Variants in PITPNM2 observed in about 807,000 individuals in gnomAD.
PITPNM2 encodes the protein phosphatidylinositol transfer protein membrane associated 2.
A neutral mutation model predicts 132.2 loss-of-function variants in PITPNM2; 35 were observed. The ratio of observed to expected loss-of-function variants is 0.26; its 90% CI spans 0.20 to 0.35. The LOEUF (loss-of-function observed/expected upper bound fraction) is 0.35, where lower values mean the gene tolerates loss of function less well. Among genes scored for constraint, PITPNM2 ranks in the 10% least tolerant of loss-of-function variants. PITPNM2 has a pLI of 1.00. For synonymous variants in PITPNM2, 738 were observed against 799.2 expected (o/e 0.92, Z 1.29); for missense variants, 1,332 against 1,912.0 (o/e 0.70, Z 5.66).
At chr12:123,016,469 C>T (rs1378980761) in intron 3 of PITPNM2, among the ~76,000 whole-genome samples, 1 of 151,738 alleles carries the variant, frequency 6.6e-6, no homozygotes, top group Non-Finnish European at 1.5e-5. Flanking sequence ...GTGCCCACCA[C>T]CACATCCAGC....
chr12:123,080,571 G>A (rs2041929741), intron 2 of PITPNM2, among the ~76,000 whole-genome samples: 1 of 152,230 alleles, frequency 6.6e-6, no homozygotes, highest in African/African-American at 2.4e-5. Context: ...TGGCCCTGGG[G>A]CCCAAGGCAG....
intron 1 of PITPNM2, among the ~76,000 whole-genome samples, chr12:123,113,761 C>T (rs986387692): frequency 6.6e-6 from 1 of 151,866 alleles, no homozygotes; most frequent in Non-Finnish European, 1.5e-5. Flanking sequence ...AGTCTACTTA[C>T]AATGTTGTAC....
In PITPNM2 at chr12:123,083,839, C is replaced by T. The variant is rs1158662172; in HGVS notation, c.-96+26546G>A. On this transcript the variant is annotated intron_variant, in intron 2 of 25. Coordinates refer to ENST00000320201, the MANE Select transcript of PITPNM2 (RefSeq NM_020845.3). The surrounding 1 kb of genome is among the most constrained non-coding windows in gnomAD (Gnocchi z 4.5). The stretch of plus-strand genomic sequence containing the variant: ...GGAGCTGGGGTACAACCTTGACAAT[C>T]ACTAACCTCTCACTTCCTCGTCCTG... 6.6e-6 allele frequency: 1 copy of T among 152,354 alleles called. No homozygotes were observed. The highest frequency in any genetic ancestry group is 1.5e-5 in the Non-Finnish European group (1 of 68,138). The allele number at this position is 152,354 out of a possible 1,614,324, so 9.4% of individuals were successfully genotyped here. A position where few individuals can be genotyped will look rare whatever the true frequency, so the allele number is the denominator to read the frequency against.
chr12:123,016,929 C>T (rs1322413975), intron 3 of PITPNM2, among the ~76,000 whole-genome samples: 1 of 151,592 alleles, frequency 6.6e-6, no homozygotes, highest in Non-Finnish European at 1.5e-5. Flanking sequence ...GCCTGTAGTC[C>T]CAGCTACTCA....
upstream of PITPNM2, among the ~76,000 whole-genome samples, chr12:123,151,201 G>C (rs1449467313): frequency 4.8e-5 from 7 of 146,552 alleles, no homozygotes; most frequent in Admixed American, 6.7e-5. Context: ...GCGGAGTCTC[G>C]GCCCGGCCCC....
At chr12:123,048,653 C>G (rs552611893) in intron 2 of PITPNM2, among the ~76,000 whole-genome samples, 1 of 151,344 alleles carries the variant, frequency 6.6e-6, no homozygotes, top group African/African-American at 2.4e-5. Flanking sequence ...ACCTCATGAT[C>G]CACCCGCCTC....
chr12:123,072,455 AC>A (rs2041646165), intron 2 of PITPNM2, among the ~76,000 whole-genome samples: 1 of 152,218 alleles, frequency 6.6e-6, no homozygotes. Flanking sequence ...AAAGTGAGGC[AC>A]AAAGTAGACA....
In PITPNM2 at chr12:123,044,586, C is replaced by G. The variant is rs191451048; in HGVS notation, c.-95-9901G>C. ...GTTACTCCTGAACTGGTGATAAGCC[C>G]TTGTGATGACAGAGTAGATACATAA... On this transcript the variant is annotated intron_variant, in intron 2 of 25. Transcript: ENST00000320201. 7.2e-5 allele frequency among the ~76,000 whole-genome samples: 11 copies of G among 152,222 alleles called. No homozygotes were observed. In the East Asian group the frequency reaches 2.1e-3, roughly 29 times the overall value.
rs1312742992 is a variant in PITPNM2, at chr12:122,986,096, C to T, written c.3981G>A (p.Val1327=). 1 of 1,454,732 alleles carries T rather than the reference C, an allele frequency of 6.9e-7. No individual in the cohort carries two copies. The highest frequency in any genetic ancestry group is 9.0e-7 in the Non-Finnish European group (1 of 1,113,262). The allele number at this position is 1,454,732 out of a possible 1,614,324, so 90.1% of individuals were successfully genotyped here. The change falls in exon 26 of 26, where the codon GTG becomes GTA. Residue 1327 remains valine, a synonymous_variant. Coordinates refer to ENST00000320201, the MANE Select transcript of PITPNM2 (RefSeq NM_020845.3). ...TGGCGCGGCCCCAGCAGCCGGCCGC[C>T]ACACTCATGCTGCGCTGGCCCCGCT... ...GEQRGQRSMS[V]AAGCWGRAMT...
At chr12:123,043,079 A>C (rs1471431696) in intron 2 of PITPNM2, among the ~76,000 whole-genome samples, 1 of 152,006 alleles carries the variant, frequency 6.6e-6, no homozygotes, top group Non-Finnish European at 1.5e-5. Context: ...TTTATGTGTT[A>C]GACACTGGGC....
intron 2 of PITPNM2, chr12:123,081,901 G>A (rs936805027): frequency 6.6e-6 from 1 of 152,292 alleles, no homozygotes; most frequent in Non-Finnish European, 1.5e-5. Flanking sequence ...GGGAAAGGAG[G>A]GGTAGTGGAG....
At chr12:123,125,874 T>TG (rs1181319164) in intron 1 of PITPNM2, among the ~76,000 whole-genome samples, 3 of 100,078 alleles carry the variant, frequency 3.0e-5, no homozygotes, top group Non-Finnish European at 4.4e-5. Context: ...GTTTTTTTTT[T>TG]TTTTTTTTTT....
intron 3 of PITPNM2, among the ~76,000 whole-genome samples, chr12:123,028,635 A>C (rs1197242544): frequency 6.6e-6 from 1 of 152,174 alleles, no homozygotes; most frequent in African/African-American, 2.4e-5. Flanking sequence ...CTTTTTAGCA[A>C]TGTTACTGAG....
At chr12:123,044,848 G>A (rs543142783) in intron 2 of PITPNM2, among the ~76,000 whole-genome samples, 10 of 152,218 alleles carry the variant, frequency 6.6e-5, no homozygotes, top group South Asian at 2.1e-4. Context: ...ACACAGTGGC[G>A]TGATCTTAGC....
rs989410996 is a variant in PITPNM2 at position 122,994,215 on chromosome 12, C to G, written c.2233+586G>C. On this transcript the variant is annotated intron_variant, in intron 15 of 25. Coordinates refer to ENST00000320201, the MANE Select transcript of PITPNM2 (RefSeq NM_020845.3). The surrounding 1 kb of genome is among the most constrained non-coding windows in gnomAD (Gnocchi z 5.4). Reference sequence around the variant, plus strand: ...CTGCACTTGGCAAGCATCTAAACCTCTCTGAGCCTCAGTTTCCCCCTCTGT... The same window carrying G: ...CTGCACTTGGCAAGCATCTAAACCTGTCTGAGCCTCAGTTTCCCCCTCTGT... 6.6e-6 allele frequency among the ~76,000 whole-genome samples: 1 copy of G among 152,246 alleles called. No individual in the cohort carries two copies. Among genetic ancestry groups the G allele is most frequent in the Non-Finnish European group, 1.5e-5 (1 of 68,050 alleles).
intron 1 of PITPNM2, among the ~76,000 whole-genome samples, chr12:123,144,850 C>A (rs1359746979): frequency 6.6e-6 from 1 of 152,210 alleles, no homozygotes; most frequent in South Asian, 2.1e-4. Flanking sequence ...TAGGCATGAG[C>A]CACCATGCCC....
intron 3 of PITPNM2, among the ~76,000 whole-genome samples, chr12:123,019,589 C>T (rs1169907444): frequency 6.6e-6 from 1 of 152,210 alleles, no homozygotes; most frequent in Non-Finnish European, 1.5e-5. Flanking sequence ...GCAAGCGCTC[C>T]TCTCTCCCTC....
intron 2 of PITPNM2, among the ~76,000 whole-genome samples, chr12:123,066,836 G>A (rs2041435911): frequency 6.6e-6 from 1 of 152,108 alleles, no homozygotes; most frequent in East Asian, 1.9e-4. Context: ...TTCTACTCGT[G>A]GAGGCAAAGT....
At chr12:123,018,524 T>G (rs1161769130) in intron 3 of PITPNM2, among the ~76,000 whole-genome samples, 1 of 151,780 alleles carries the variant, frequency 6.6e-6, no homozygotes, top group Non-Finnish European at 1.5e-5. Flanking sequence ...GGTCTCAAAC[T>G]CCTGACCCCA....
Sources: allele counts gnomAD v4.1 joint callset (sites outside exome capture counted in the v4.1 genomes callset), GRCh38; gene constraint gnomAD v4.1.1; non-coding constraint Gnocchi (gnomAD v3.1); transcripts MANE v1.5; gene names NCBI Gene and HGNC (gene_info 2026-07-23, HGNC 2026-07-21).